The following STK10 variants were observed in gnomAD, a reference collection of about 807,000 sequenced individuals.
STK10 encodes the protein serine/threonine-protein kinase 10.
In STK10, 78 loss-of-function variants were observed where a neutral mutation model predicts 113.8. That is an observed-to-expected ratio of 0.69 (90% CI 0.57 to 0.83). The LOEUF is 0.83. Ranked by LOEUF, STK10 falls within the 40% of genes least tolerant of loss-of-function variation. The pLI is 0.00. For missense variants in STK10, 1,109 were observed against 1,280.1 expected (o/e 0.87, Z 2.04); for synonymous variants, 465 against 494.7 (o/e 0.94, Z 0.80).
At chr5:172,088,223 T>A (rs1262894949) in intron 10 of STK10, among the ~76,000 whole-genome samples, 1 of 151,998 alleles carries the variant, frequency 6.6e-6, no homozygotes, top group Non-Finnish European at 1.5e-5. Flanking sequence ...TGGTTAAACG[T>A]TTAAAAAAAT....
chr5:172,153,723 A>G (rs776640853), intron 2 of STK10, among the ~76,000 whole-genome samples: 4 of 152,256 alleles, frequency 2.6e-5, no homozygotes, highest in Non-Finnish European at 5.9e-5. Context: ...TGGTCACAAG[A>G]TGCGCCTGAG....
chr5:172,176,968 G>A (rs1770770037), intron 1 of STK10, among the ~76,000 whole-genome samples: 1 of 152,206 alleles, frequency 6.6e-6, no homozygotes, highest in Non-Finnish European at 1.5e-5. Context: ...GAAGCCAGGA[G>A]TTTGAGACCA....
chr5:172,150,317 C>A (rs1770194303), intron 2 of STK10, among the ~76,000 whole-genome samples: 1 of 151,480 alleles, frequency 6.6e-6, no homozygotes, highest in South Asian at 2.1e-4. Flanking sequence ...CCCGTCTCTA[C>A]TAAAAATACA....
intron 7 of STK10, 145 bp downstream of exon 7, chr5:172,105,511 G>A (rs1263965921): frequency 1.2e-6 from 1 of 808,454 alleles, no homozygotes; most frequent in Non-Finnish European, 2.0e-6. Flanking sequence ...GCATTCAGGA[G>A]GTGCCTGGGG....
Position 172,056,835 on chromosome 5 carries a change from C to T in STK10, c.2337+514G>A, listed in dbSNP as rs771691332. 9.4e-5 allele frequency among the ~76,000 whole-genome samples: 14 copies of T among 149,578 alleles called. No homozygotes were observed. In the East Asian group the frequency reaches 2.2e-3, roughly 23 times the overall value. On this transcript the variant is annotated intron_variant, in intron 15 of 18. Transcript: ENST00000176763. ...GTTGCAGTGAGCCTAGATGGCGCCA[C>T]TGCACTCCAGCCTGAGTGAGAGAGC...
intron 2 of STK10, among the ~76,000 whole-genome samples, chr5:172,144,473 G>T (rs1055920257): frequency 2.6e-5 from 4 of 152,190 alleles, no homozygotes; most frequent in South Asian, 2.1e-4. Flanking sequence ...ACCAAAAAAC[G>T]CAACAGTCAA....
chr5:172,055,467 G>T, intron 16 of STK10, 121 bp downstream of exon 16: 1 of 1,077,982 alleles, frequency 9.3e-7, no homozygotes, highest in Non-Finnish European at 1.2e-6. Flanking sequence ...TGGGATTACA[G>T]ACGTGAGCCA....
At chr5:172,090,196 CCT>C (rs763886322) in intron 10 of STK10, 34 bp downstream of exon 10, 1 of 1,611,328 alleles carries the variant, frequency 6.2e-7, no homozygotes, top group African/African-American at 1.3e-5. Context: ...ATAGCCCCAC[CCT>C]GTTACCACCA....
intron 1 of STK10, among the ~76,000 whole-genome samples, chr5:172,161,775 G>A (rs151335327): frequency 3.3e-5 from 5 of 152,212 alleles, no homozygotes; most frequent in South Asian, 2.1e-4. Flanking sequence ...AGACCGATCC[G>A]AGGCAGAGTA....
At chr5:172,088,779 T>G (rs968910179) in intron 10 of STK10, among the ~76,000 whole-genome samples, 1 of 152,256 alleles carries the variant, frequency 6.6e-6, no homozygotes, top group Admixed American at 6.5e-5. Context: ...TACCCCTGCC[T>G]AACTGGAAGA....
At chr5:172,180,634 T>TACA (rs200633675) in intron 1 of STK10, among the ~76,000 whole-genome samples, 4 of 135,818 alleles carry the variant, frequency 2.9e-5, no homozygotes, top group African/African-American at 6.6e-5. Context: ...CTACTAAAAA[T>TACA]ACAACAACAA....
intron 5 of STK10, 45 bp downstream of exon 5, chr5:172,107,735 T>A (rs957231933): frequency 1.3e-5 from 21 of 1,596,626 alleles, no homozygotes; most frequent in Non-Finnish European, 1.8e-5. Context: ...CCTTGGAGAG[T>A]TTTTACATCC....
rs753962866 is a variant in STK10, at chr5:172,093,642, T to TG, written c.1323dup (p.Asn442GlnfsTer53). On this transcript the variant is annotated frameshift_variant, in exon 9 of 19. Coordinates refer to ENST00000176763, the MANE Select transcript of STK10 (RefSeq NM_005990.4). LOFTEE classifies it high-confidence loss of function. The surrounding 1 kb of genome is among the most constrained non-coding windows in gnomAD (Gnocchi z 4.1). ...CTCTGGCTGGCCTTTTGAGATCTGT[T>TG]GGCTGCTGGGCTGAGGTCCCCACCC... The TG allele has an allele frequency of 1.2e-6, 2 of 1,614,254 alleles. No homozygotes were observed. Among genetic ancestry groups the TG allele is most frequent in the Admixed American group, 3.3e-5 (2 of 60,028 alleles).
At chr5:172,073,226 C>G (rs187138000) in intron 12 of STK10, among the ~76,000 whole-genome samples, 12 of 152,240 alleles carry the variant, frequency 7.9e-5, no homozygotes, top group African/African-American at 1.9e-4. Flanking sequence ...GATCTTGGCT[C>G]ACTGCAGCCT....
intron 1 of STK10, among the ~76,000 whole-genome samples, chr5:172,178,233 C>T (rs940106828): frequency 5.9e-5 from 9 of 152,136 alleles, no homozygotes; most frequent in African/African-American, 2.2e-4. Context: ...TGGTTCAACC[C>T]GCGTGGGGGC....
chr5:172,083,461 A>G (rs1025692264), intron 10 of STK10, among the ~76,000 whole-genome samples: 3 of 152,232 alleles, frequency 2.0e-5, no homozygotes, highest in African/African-American at 4.8e-5. Flanking sequence ...TTTGATGTAG[A>G]AACTACATTT....
chr5:172,122,610 A>C (rs1490225647), intron 3 of STK10, among the ~76,000 whole-genome samples: 1 of 151,640 alleles, frequency 6.6e-6, no homozygotes, highest in Non-Finnish European at 1.5e-5. Context: ...GTGGAGACCC[A>C]AGATGTTTGT....
intron 2 of STK10, among the ~76,000 whole-genome samples, chr5:172,148,893 T>C (rs1297963511): frequency 2.0e-5 from 3 of 152,190 alleles, no homozygotes; most frequent in Non-Finnish European, 2.9e-5. Context: ...GGTGACAACA[T>C]CTCAATCTCG....
At chr5:172,154,262 G>A (rs1216815125) in intron 2 of STK10, among the ~76,000 whole-genome samples, 3 of 152,184 alleles carry the variant, frequency 2.0e-5, no homozygotes, top group Non-Finnish European at 2.9e-5. Context: ...GCTGATCCAA[G>A]GGTTGTACTT....
Sources: gnomAD v4.1 joint callset for allele counts (sites outside exome capture counted in the v4.1 genomes callset) on GRCh38, gnomAD v4.1.1 for gene constraint, Gnocchi (gnomAD v3.1) non-coding constraint, MANE v1.5 for transcripts, NCBI Gene and HGNC (gene_info 2026-07-23, HGNC 2026-07-21) for gene names.